The following CHN2 variants were observed in gnomAD, a reference collection of about 807,000 sequenced individuals.
The protein encoded by CHN2 is chimerin 2.
Under a neutral mutation model 56.3 loss-of-function variants are expected in CHN2, and 35 were observed. The ratio of observed to expected loss-of-function variants is 0.62; its 90% CI spans 0.47 to 0.82. The LOEUF (loss-of-function observed/expected upper bound fraction) is 0.82, where lower values mean the gene tolerates loss of function less well. Ranked by LOEUF, CHN2 falls within the 40% of genes least tolerant of loss-of-function variation. The pLI, the probability that CHN2 is intolerant of heterozygous loss-of-function variation, is 0.00. For missense variants in CHN2, 491 were observed against 580.5 expected (o/e 0.85, Z 1.58); for synonymous variants, 210 against 212.8 (o/e 0.99, Z 0.12).
upstream of CHN2, chr7:29,191,563 G>A (rs1022740515): frequency 6.6e-6 from 1 of 152,236 alleles, no homozygotes; most frequent in African/African-American, 2.4e-5. Flanking sequence ...GGCTTTGAAT[G>A]CCAGGTGAAA....
chr7:29,291,243 C>G (rs1562893969), intron 1 of CHN2, among the ~76,000 whole-genome samples: 3 of 152,160 alleles, frequency 2.0e-5, no homozygotes, highest in Non-Finnish European at 2.9e-5. Context: ...TACTGAGAAG[C>G]AGCTGATCAC....
At chr7:29,279,295 A>G (rs1426965524) in intron 1 of CHN2, among the ~76,000 whole-genome samples, 2 of 152,262 alleles carry the variant, frequency 1.3e-5, no homozygotes, top group African/African-American at 4.8e-5. Context: ...TGCTTTCCTT[A>G]TCATCCCTCA....
intron 7 of CHN2, 72 bp from the exon 8 acceptor site, chr7:29,495,880 T>G (rs780175458): frequency 3.9e-6 from 5 of 1,285,322 alleles, no homozygotes; most frequent in Non-Finnish European, 4.5e-6. Context: ...TGATCTTCAT[T>G]GACATGTCTG....
At chr7:29,417,068 G>A (rs1157646758) in intron 6 of CHN2, among the ~76,000 whole-genome samples, 1 of 152,084 alleles carries the variant, frequency 6.6e-6, no homozygotes, top group Non-Finnish European at 1.5e-5. Context: ...CACCTTCTTC[G>A]AAATACCAGC....
At chr7:29,490,675 T>C (rs1039420910) in intron 7 of CHN2, among the ~76,000 whole-genome samples, 3 of 152,256 alleles carry the variant, frequency 2.0e-5, no homozygotes, top group African/African-American at 7.2e-5. Context: ...ATACCAAGTA[T>C]CCATATATGT....
intron 1 of CHN2, among the ~76,000 whole-genome samples, chr7:29,207,836 CTT>C (rs1784633162): frequency 1.3e-5 from 2 of 152,124 alleles, no homozygotes; most frequent in Non-Finnish European, 2.9e-5. Context: ...ACTACAAAGA[CTT>C]TGTTAGAAAG....
chr7:29,231,840 TATC>T (rs1317622401), intron 1 of CHN2, among the ~76,000 whole-genome samples: 1 of 152,238 alleles, frequency 6.6e-6, no homozygotes, highest in African/African-American at 2.4e-5. Context: ...TGTTCATCCT[TATC>T]ATCACATGTG....
chr7:29,373,741 A>T (rs927652245), intron 3 of CHN2, among the ~76,000 whole-genome samples: 3 of 152,196 alleles, frequency 2.0e-5, no homozygotes, highest in African/African-American at 7.2e-5. Flanking sequence ...ACAATCTTGT[A>T]GCTCGAGGAC....
At chr7:29,270,645 AC>A (rs1562879659) in intron 1 of CHN2, among the ~76,000 whole-genome samples, 2 of 150,384 alleles carry the variant, frequency 1.3e-5, no homozygotes, top group South Asian at 4.3e-4. Context: ...GCCTTGGGCA[AC>A]AGAGCAAGAC....
At chr7:29,491,309 A>AT (rs1232202405) in intron 7 of CHN2, among the ~76,000 whole-genome samples, 2 of 151,846 alleles carry the variant, frequency 1.3e-5, no homozygotes, top group African/African-American at 2.4e-5. Flanking sequence ...TTGTATAAGG[A>AT]TTTTTTCTAC....
At chr7:29,473,482 T>TGTGTG (rs1554299029) in intron 6 of CHN2, among the ~76,000 whole-genome samples, 36 of 118,196 alleles carry the variant, frequency 3.0e-4, no homozygotes, top group East Asian at 1.4e-3. Context: ...TTTTTTTTTT[T>TGTGTG]TGTGTGTGTG....
intron 1 of CHN2, 116 bp from the exon 2 acceptor site, chr7:29,354,509 C>G: frequency 1.2e-6 from 1 of 848,260 alleles, no homozygotes. Flanking sequence ...GAAGAGAGTC[C>G]CCCTGAGACC....
chr7:29,413,749 A>G (rs547568540), intron 6 of CHN2, among the ~76,000 whole-genome samples: 1 of 152,320 alleles, frequency 6.6e-6, no homozygotes, highest in South Asian at 2.1e-4. Context: ...GACTTCGAAC[A>G]GGCTGTACTT....
chr7:29,372,620 T>G (rs1316921491), intron 3 of CHN2, among the ~76,000 whole-genome samples: 1 of 152,172 alleles, frequency 6.6e-6, no homozygotes, highest in East Asian at 1.9e-4. Context: ...AAAAAAAGGA[T>G]AGCGATTGCT....
intron 1 of CHN2, among the ~76,000 whole-genome samples, chr7:29,266,872 C>G (rs1790189197): frequency 6.6e-6 from 1 of 152,238 alleles, no homozygotes; most frequent in Non-Finnish European, 1.5e-5. Flanking sequence ...AGTCGAGAAA[C>G]CTAGCCAGAA....
intron 6 of CHN2, among the ~76,000 whole-genome samples, chr7:29,472,293 A>ACG (rs1562634374): frequency 6.7e-6 from 1 of 148,256 alleles, no homozygotes; most frequent in Non-Finnish European, 1.5e-5. Context: ...ACACACACAC[A>ACG]CACACGCACA....
intron 2 of CHN2, among the ~76,000 whole-genome samples, chr7:29,158,973 A>C (rs1410263124): frequency 6.6e-6 from 1 of 152,220 alleles, no homozygotes; most frequent in African/African-American, 2.4e-5. Context: ...CGGCAATCGA[A>C]ATATCCTATG....
intron 1 of CHN2, among the ~76,000 whole-genome samples, chr7:29,329,376 CAAA>C (rs10667833): frequency 1.3e-4 from 5 of 37,248 alleles, no homozygotes; most frequent in African/African-American, 3.1e-4. Context: ...TCAGATAAGG[CAAA>C]AAAAAAAAAA....
chr7:29,226,795 G>A (rs1361356258), intron 1 of CHN2, among the ~76,000 whole-genome samples: 2 of 152,130 alleles, frequency 1.3e-5, no homozygotes, highest in Admixed American at 6.5e-5. Context: ...TAATTTTATT[G>A]TAAGGTTTTT....
Sources: allele counts gnomAD v4.1 joint callset (sites outside exome capture counted in the v4.1 genomes callset), GRCh38; gene constraint gnomAD v4.1.1; transcripts MANE v1.5; gene names NCBI Gene and HGNC (gene_info 2026-07-23, HGNC 2026-07-21).